NOB1: variants seen among roughly 807,000 people sequenced by gnomAD.
NOB1 encodes the protein RNA-binding protein NOB1.
A neutral mutation model predicts 44.8 loss-of-function variants in NOB1; 44 were observed. That is an observed-to-expected ratio of 0.98 (90% confidence interval 0.77 to 1.26). NOB1 has a LOEUF of 1.26. Among genes scored for constraint, NOB1 ranks in the 50% most tolerant of loss-of-function variants. The probability of loss-of-function intolerance (pLI) is 0.00; values close to 1 mark genes in which losing one functional copy is unlikely to be tolerated. For missense variants in NOB1, 560 were observed against 544.8 expected (o/e 1.03, Z -0.28); for synonymous variants, 238 against 218.7 (o/e 1.09, Z -0.78).
intron 3 of NOB1, among the ~76,000 whole-genome samples, chr16:69,750,593 ACTC>A (rs2038474939): frequency 6.6e-6 from 1 of 152,120 alleles, no homozygotes; most frequent in Admixed American, 6.6e-5. Flanking sequence ...GCGCCACTGT[ACTC>A]CAGCCCAGGT....
At chr16:69,754,479 C>A in intron 2 of NOB1, 115 bp downstream of exon 2, 4 of 1,396,076 alleles carry the variant, frequency 2.9e-6, no homozygotes, top group Non-Finnish European at 3.9e-6. Context: ...CTAGAAAGTG[C>A]TGGCTCTAAA....
intron 6 of NOB1, 25 bp downstream of exon 6, chr16:69,748,893 C>A: frequency 6.4e-7 from 1 of 1,558,634 alleles, no homozygotes; most frequent in Non-Finnish European, 8.7e-7. Context: ...GTGTGTGACA[C>A]ACGGCCCAGG....
rs767981570 is a variant in NOB1, at chr16:69,748,871, A to G, written c.726+47T>C. ...TACATCTGTACACCTCGGTAGGACC[A>G]CTGCCGATGACGTGTGTGACACACG... On this transcript the variant is annotated intron_variant, in intron 6 of 8. Transcript: ENST00000268802. 2.7e-5 allele frequency: 40 copies of G among 1,473,346 alleles called. No individual in the cohort carries two copies. The Middle Eastern group carries it at 7.2e-4, about 27-fold the overall frequency. 91.3% of individuals were successfully genotyped at this position (1,473,346 alleles called of 1,614,324 possible). A position where few individuals can be genotyped will look rare whatever the true frequency, so the allele number is the denominator to read the frequency against.
chr16:69,749,236 C>G lies in NOB1; in HGVS notation c.502G>C (p.Asp168His). 1 of 1,613,210 alleles carries G rather than the reference C, an allele frequency of 6.2e-7. No individual in the cohort carries two copies. The highest frequency in any genetic ancestry group is 8.5e-7 in the Non-Finnish European group (1 of 1,179,706). ...MFWRNPLPNI[D>H]HELQELLIDR... ...ACCAGCAGCTCCTGCAGTTCATGATCGATGTTGGGCAAAGGGTTTCTCCAG... is the reference window on the plus strand; with the variant it reads ...ACCAGCAGCTCCTGCAGTTCATGATGGATGTTGGGCAAAGGGTTTCTCCAG... The change falls in exon 5 of 9, where the codon GAT becomes CAT. Residue 168 changes from aspartate (D) to histidine (H), a missense_variant. Transcript: ENST00000268802.
Position 69,754,911 on chromosome 16 carries a change from G to C in NOB1, c.-1C>G. The stretch of plus-strand genomic sequence containing the variant: ...CCACAACGTGCTCCACTGGAGCCAT[G>C]TTGGCTGCGTGAGAGGGGAGCGCGC... On this transcript the variant is annotated 5_prime_UTR_variant, in exon 1 of 9. Transcript: ENST00000268802. 1 of 1,580,012 alleles carries C rather than the reference G, an allele frequency of 6.3e-7. No individual in the cohort carries two copies. The highest frequency in any genetic ancestry group is 8.6e-7 in the Non-Finnish European group (1 of 1,164,270).
In NOB1 at chr16:69,744,980, AGT is replaced by A; in HGVS notation, c.860_861del (p.His287LeufsTer78). The A allele has an allele frequency of 6.2e-7, 1 of 1,614,128 alleles. No individual in the cohort carries two copies. On this transcript the variant is annotated frameshift_variant, in exon 8 of 9. Coordinates refer to ENST00000268802, the MANE Select transcript of NOB1 (RefSeq NM_014062.3). LOFTEE classifies it high-confidence loss of function. ...TSDMSRVFCS[H>X]CGNKTLKKVS... ...ACTTTCTTCAGGGTCTTGTTCCCAC[AGT>A]GTGAGCAGAACACTCGGCTCATGTC...
intron 3 of NOB1, among the ~76,000 whole-genome samples, chr16:69,750,584 C>G (rs867565439): frequency 2.0e-5 from 3 of 152,210 alleles, no homozygotes; most frequent in Middle Eastern, 6.8e-3. Flanking sequence ...CTGTGATCAG[C>G]GCCACTGTAC....
chr16:69,749,002 G>C lies in NOB1; in HGVS notation c.642C>G (p.Ile214Met), dbSNP rs1221651110. The C allele has an allele frequency of 2.5e-6, 4 of 1,614,132 alleles. No homozygotes were observed. The Admixed American group carries it at 6.7e-5, about 27-fold the overall frequency. Residue 214 changes from isoleucine (I) to methionine (M), a missense_variant, in exon 6 of 9, where the codon ATC becomes ATG. Physicochemically the swap from Ile to Met is conservative, Grantham distance 10. Coordinates refer to ENST00000268802, the MANE Select transcript of NOB1 (RefSeq NM_014062.3). ...DGGGWITPSN[I>M]KQIQQELEQC... ...GCTCCAGCTCCTGCTGGATCTGCTT[G>C]ATGTTACTGGGGGTTATCCAGCCAC...
chr16:69,753,200 C>A (rs1222118700), intron 2 of NOB1, among the ~76,000 whole-genome samples: 1 of 151,664 alleles, frequency 6.6e-6, no homozygotes, highest in Non-Finnish European at 1.5e-5. Flanking sequence ...CCAGGCTAGG[C>A]AACACAGCCA....
chr16:69,754,846 A>C lies in NOB1; in HGVS notation c.63+2T>G, dbSNP rs963465123. 3.7e-6 allele frequency: 6 copies of C among 1,600,868 alleles called. No individual in the cohort carries two copies. The highest frequency in any genetic ancestry group is 5.1e-6 in the Non-Finnish European group (6 of 1,174,838). ...TCTCGTCCCGGAGGGAGCTCCCCGT[A>C]CCTGCAGAGCCGCATGCCGCAGGAA... On this transcript the variant is annotated splice_donor_variant, in intron 1 of 8. Transcript: ENST00000268802. LOFTEE classifies it high-confidence loss of function.
At chr16:69,751,212 T>A (rs527266715) in intron 3 of NOB1, among the ~76,000 whole-genome samples, 20 of 152,268 alleles carry the variant, frequency 1.3e-4, no homozygotes, top group African/African-American at 3.6e-4. Flanking sequence ...CAGACGGGGT[T>A]GCCCAGGCTG....
chr16:69,749,684 GT>G (rs911101146), intron 3 of NOB1, 54 bp from the exon 4 acceptor site: 7,980 of 1,187,258 alleles, frequency 6.7e-3, no homozygotes, highest in South Asian at 8.3e-3. Flanking sequence ...AAGATATCCA[GT>G]TTTTTTTTTT....
Position 69,747,285 on chromosome 16 carries a change from C to T in NOB1, c.824+947G>A, listed in dbSNP as rs1316943389. Among the ~76,000 whole-genome samples, 7 of 148,346 alleles carry T rather than the reference C, an allele frequency of 4.7e-5. 1 individual carries two copies. Among genetic ancestry groups the T allele is most frequent in the East Asian group, 3.9e-4 (2 of 5,080 alleles). On this transcript the variant is annotated intron_variant, in intron 7 of 8. Transcript: ENST00000268802. ...TAGGCAGATGGCTCAGGCCTGTAATCGCACCACTTTAGGAGGACAAGATAA... is the reference window on the plus strand; with the variant it reads ...TAGGCAGATGGCTCAGGCCTGTAATTGCACCACTTTAGGAGGACAAGATAA...
At chr16:69,744,536 T>C (rs527777010) in intron 8 of NOB1, among the ~76,000 whole-genome samples, 4 of 152,100 alleles carry the variant, frequency 2.6e-5, no homozygotes, top group African/African-American at 9.7e-5. Context: ...GGCCCTCTCT[T>C]CCGTGCTGTG....
intron 8 of NOB1, among the ~76,000 whole-genome samples, chr16:69,743,524 G>A (rs1324013131): frequency 6.6e-6 from 1 of 152,178 alleles, no homozygotes; most frequent in African/African-American, 2.4e-5. Context: ...GTCCTGAGAA[G>A]GACACATCAG....
At chr16:69,748,760 G>T (rs2038455242) in intron 6 of NOB1, 158 bp downstream of exon 6, 2 of 623,398 alleles carry the variant, frequency 3.2e-6, no homozygotes, top group Admixed American at 3.2e-5. Flanking sequence ...CGATTGTCTA[G>T]CCTCTAAGCA....
At chr16:69,745,771 G>C (rs1414837699) in intron 7 of NOB1, among the ~76,000 whole-genome samples, 2 of 152,228 alleles carry the variant, frequency 1.3e-5, no homozygotes, top group Admixed American at 6.5e-5. Context: ...CAAAAGAGCT[G>C]CGTGGAATGG....
At chr16:69,751,928 C>T (rs946210468) in intron 3 of NOB1, among the ~76,000 whole-genome samples, 5 of 151,974 alleles carry the variant, frequency 3.3e-5, no homozygotes, top group Admixed American at 3.3e-4. Context: ...CGGGTGTGGT[C>T]GTGGGCGCCT....
rs1291566861 is a variant in NOB1, at chr16:69,749,312, T to G, written c.426A>C (p.Lys142Asn). 1 of 1,599,854 alleles carries G rather than the reference T, an allele frequency of 6.3e-7. No individual in the cohort carries two copies. Among genetic ancestry groups the G allele is most frequent in the South Asian group, 1.1e-5 (1 of 88,042 alleles). Residue 142 changes from lysine (K) to asparagine (N), a missense_variant, in exon 5 of 9, where the codon AAA (lysine) becomes AAC (asparagine). Transcript: ENST00000268802. The part of the protein sequence containing the change: ...YKPKPPQETE[K>N]GHSACEPENL... ...TCTCAGGCTCACAAGCTGAGTGTCCTTTTTCTGTTTCTTGTGGGGGTTTAG... is the reference window on the plus strand; with the variant it reads ...TCTCAGGCTCACAAGCTGAGTGTCCGTTTTCTGTTTCTTGTGGGGGTTTAG...
Sources: allele counts gnomAD v4.1 joint callset (sites outside exome capture counted in the v4.1 genomes callset), GRCh38; gene constraint gnomAD v4.1.1; transcripts MANE v1.5; gene names NCBI Gene and HGNC (gene_info 2026-07-23, HGNC 2026-07-21).